Variants in DPP6 observed in about 807,000 individuals in gnomAD.
DPP6 encodes the protein dipeptidyl peptidase like 6.
A neutral mutation model predicts 122.6 loss-of-function variants in DPP6; 69 were observed. The ratio of observed to expected loss-of-function variants is 0.56; its 90% confidence interval spans 0.46 to 0.69. DPP6 has a LOEUF of 0.69. Ranked by LOEUF, DPP6 falls within the 30% of genes least tolerant of loss-of-function variation. DPP6 has a pLI of 0.00. For missense variants in DPP6, 928 were observed against 1,116.9 expected (o/e 0.83, Z 2.41); for synonymous variants, 418 against 433.1 (o/e 0.97, Z 0.43).
chr7:154,770,098 C>G (rs1055468202), intron 9 of DPP6, among the ~76,000 whole-genome samples: 2 of 152,088 alleles, frequency 1.3e-5, no homozygotes, highest in Non-Finnish European at 2.9e-5. Context: ...GAGGGCAGAG[C>G]CTTCATGATT....
At chr7:154,145,467 G>C (rs1470087471) in intron 1 of DPP6, among the ~76,000 whole-genome samples, 4 of 152,224 alleles carry the variant, frequency 2.6e-5, no homozygotes, top group Non-Finnish European at 5.9e-5. Flanking sequence ...ACCCTGAGCT[G>C]TGAGTCCGTT....
chr7:153,816,361 C>G, the DPP6 span, among the ~76,000 whole-genome samples: 1 of 151,640 alleles, frequency 6.6e-6, no homozygotes, highest in Non-Finnish European at 1.5e-5. Context: ...AAAAATCAGG[C>G]AAAATACATA....
At chr7:154,577,227 C>T (rs1020669223) in intron 5 of DPP6, among the ~76,000 whole-genome samples, 5 of 151,774 alleles carry the variant, frequency 3.3e-5, no homozygotes, top group Non-Finnish European at 7.4e-5. Flanking sequence ...CGGGGAGGGT[C>T]GTGGGGAAGG....
intron 1 of DPP6, among the ~76,000 whole-genome samples, chr7:153,990,265 C>G (rs1395122065): frequency 1.1e-5 from 1 of 89,238 alleles, no homozygotes; most frequent in African/African-American, 5.8e-5. Context: ...TGCTTCCAGC[C>G]TTGCTGAACA....
intron 1 of DPP6, among the ~76,000 whole-genome samples, chr7:154,198,101 G>T (rs1273279054): frequency 1.3e-5 from 2 of 152,084 alleles, no homozygotes; most frequent in Non-Finnish European, 2.9e-5. Flanking sequence ...GCAAACTTAC[G>T]ATCATCCTGG....
chr7:154,327,944 T>C (rs1808591965), intron 1 of DPP6, among the ~76,000 whole-genome samples: 1 of 152,244 alleles, frequency 6.6e-6, no homozygotes, highest in Non-Finnish European at 1.5e-5. Flanking sequence ...AATAGAAATA[T>C]GCATTACTAT....
intron 1 of DPP6, among the ~76,000 whole-genome samples, chr7:154,227,231 C>CA: frequency 4.0e-5 from 6 of 150,796 alleles, no homozygotes; most frequent in African/African-American, 9.8e-5. Flanking sequence ...CACACACACA[C>CA]CCCTAGGAAT....
chr7:154,876,136 G>T, intron 20 of DPP6, 36 bp downstream of exon 20: 1 of 1,534,404 alleles, frequency 6.5e-7, no homozygotes. Flanking sequence ...GAGGCCGGGA[G>T]GGGACGGGGC....
At chr7:153,980,332 T>C (rs1796518687) in intron 1 of DPP6, among the ~76,000 whole-genome samples, 1 of 152,212 alleles carries the variant, frequency 6.6e-6, no homozygotes, top group Non-Finnish European at 1.5e-5. Context: ...TTTATTTGCA[T>C]AGAGGTGTTT....
intron 1 of DPP6, among the ~76,000 whole-genome samples, chr7:154,247,051 G>A (rs1272126480): frequency 6.6e-6 from 1 of 152,120 alleles, no homozygotes; most frequent in Non-Finnish European, 1.5e-5. Flanking sequence ...AGTGGCTCAC[G>A]CCTGTAATCC....
chr7:154,583,320 C>T (rs773274935), intron 5 of DPP6, among the ~76,000 whole-genome samples: 5 of 152,180 alleles, frequency 3.3e-5, no homozygotes, highest in African/African-American at 4.8e-5. Context: ...CACAAACATT[C>T]GGTCTATGTG....
At chr7:154,754,474 G>A (rs1010011330) in intron 8 of DPP6, among the ~76,000 whole-genome samples, 1 of 152,120 alleles carries the variant, frequency 6.6e-6, no homozygotes, top group African/African-American at 2.4e-5. Context: ...ACTTTCTGGT[G>A]AATATTAACA....
intron 1 of DPP6, among the ~76,000 whole-genome samples, chr7:154,393,319 T>C (rs932429230): frequency 2.6e-5 from 4 of 152,206 alleles, no homozygotes; most frequent in Non-Finnish European, 4.4e-5. Context: ...GGAGAAACTA[T>C]TAGAATTTGT....
chr7:154,191,992 C>A (rs1798637712), intron 1 of DPP6, among the ~76,000 whole-genome samples: 1 of 152,046 alleles, frequency 6.6e-6, no homozygotes, highest in Non-Finnish European at 1.5e-5. Context: ...GAAAAAAAAC[C>A]ACACACAAGA....
chr7:154,073,565 C>T (rs1803283487), intron 1 of DPP6, among the ~76,000 whole-genome samples: 1 of 152,230 alleles, frequency 6.6e-6, no homozygotes, highest in Non-Finnish European at 1.5e-5. Context: ...CTTACCTTTA[C>T]ACAAGATAGG....
At chr7:154,470,833 A>G (rs1303590149) in intron 2 of DPP6, among the ~76,000 whole-genome samples, 1 of 152,210 alleles carries the variant, frequency 6.6e-6, no homozygotes, top group Non-Finnish European at 1.5e-5. Context: ...AGTGAAAGCC[A>G]CTGCCCCTTC....
At chr7:154,229,388 G>A (rs181041391) in intron 1 of DPP6, among the ~76,000 whole-genome samples, 1 of 152,330 alleles carries the variant, frequency 6.6e-6, no homozygotes. Flanking sequence ...GCTAATCTGA[G>A]TGCAAGGGTT....
chr7:154,662,557 CG>C (rs1337054817), intron 6 of DPP6, among the ~76,000 whole-genome samples: 26 of 66,024 alleles, frequency 3.9e-4, no homozygotes, highest in South Asian at 1.5e-3. Flanking sequence ...GCGTATCAGC[CG>C]TAGTGTTCAT....
chr7:154,858,053 C>G (rs1008722987), intron 17 of DPP6, among the ~76,000 whole-genome samples: 50 of 152,254 alleles, frequency 3.3e-4, no homozygotes, highest in African/African-American at 1.2e-3. Context: ...ATGCTCCATC[C>G]TGAACAACTC....
Sources: allele counts gnomAD v4.1 joint callset (sites outside exome capture counted in the v4.1 genomes callset), GRCh38; gene constraint gnomAD v4.1.1; transcripts MANE v1.5; gene names NCBI Gene and HGNC (gene_info 2026-07-23, HGNC 2026-07-21).